REPS2: variants seen among roughly 807,000 people sequenced by gnomAD.
REPS2 encodes the protein ralBP1-associated Eps domain-containing protein 2.
A neutral mutation model predicts 53.6 loss-of-function variants in REPS2; 23 were observed. The ratio of observed to expected loss-of-function variants is 0.43; its 90% CI spans 0.31 to 0.61. The LOEUF is 0.61. Ranked by LOEUF, REPS2 falls within the 20% of genes least tolerant of loss-of-function variation. The probability of loss-of-function intolerance (pLI) is 0.11; values close to 1 mark genes in which losing one functional copy is unlikely to be tolerated. For synonymous variants in REPS2, 238 were observed against 218.6 expected, an observed-to-expected ratio of 1.09 and a Z score of -0.78; for missense variants, 446 against 534.9, an observed-to-expected ratio of 0.83 and a Z score of 1.64.
intron 14 of REPS2, among the ~76,000 whole-genome samples, chrX:17,126,617 G>C (rs2063214788): frequency 8.9e-6 from 1 of 111,942 alleles, no homozygotes; most frequent in Non-Finnish European, 1.9e-5. Context: ...CCAAGAGGGA[G>C]ATAGACCAGG....
chrX:17,025,136 G>GGT lies in REPS2; in HGVS notation c.624_625insGT (p.Ser209ValfsTer71). 8.3e-7 allele frequency: 1 copy of GGT among 1,211,787 alleles called. No individual in the cohort carries two copies. Among genetic ancestry groups the GGT allele is most frequent in the Non-Finnish European group, 1.1e-6 (1 of 895,532 alleles). ...CGCCTCATTACCAGAGGGTGCCCTTGAGCCATGGCTACAGCAAACTGCGGA... is the reference window on the plus strand; with the variant it reads ...CGCCTCATTACCAGAGGGTGCCCTTGGTAGCCATGGCTACAGCAAACTGCGGA... On this transcript the variant is annotated frameshift_variant, in exon 4 of 18. Coordinates refer to ENST00000357277, the MANE Select transcript of REPS2 (RefSeq NM_004726.3). LOFTEE classifies it high-confidence loss of function.
Position 17,147,613 on chromosome X carries a change from T to C in REPS2, c.*132T>C. On this transcript the variant is annotated 3_prime_UTR_variant, in exon 18 of 18. Transcript: ENST00000357277. The stretch of plus-strand genomic sequence containing the variant: ...TGTGAGCAGCAAAATATAATCCATA[T>C]GACCTTTTCTCTTGCACTTCACTTG... The C allele has an allele frequency of 2.2e-6, 1 of 455,248 alleles. No homozygotes were observed. Among genetic ancestry groups the C allele is most frequent in the East Asian group, 3.6e-5 (1 of 27,641 alleles). The allele number at this position is 455,248 out of a possible 1,213,427, so 37.5% of individuals were successfully genotyped here. A position where few individuals can be genotyped will look rare whatever the true frequency, so the allele number is the denominator to read the frequency against.
chrX:16,999,518 C>G (rs758159815), intron 1 of REPS2, among the ~76,000 whole-genome samples: 1 of 109,881 alleles, frequency 9.1e-6, no homozygotes, highest in Non-Finnish European at 1.9e-5. Flanking sequence ...GGGCCATAAC[C>G]TATGCCAATA....
chrX:17,080,096 T>G (rs1318485624), intron 13 of REPS2, among the ~76,000 whole-genome samples: 1 of 111,556 alleles, frequency 9.0e-6, no homozygotes, highest in Non-Finnish European at 1.9e-5. Context: ...TCCTGATCTT[T>G]CCAATTAACC....
intron 2 of REPS2, among the ~76,000 whole-genome samples, chrX:17,016,856 C>T (rs753418383): frequency 7.7e-4 from 82 of 106,285 alleles, no homozygotes; most frequent in Non-Finnish European, 1.4e-3. Context: ...TAGGTATACA[C>T]CCAAGATAAA....
intron 5 of REPS2, among the ~76,000 whole-genome samples, chrX:17,036,144 T>A (rs1210418240): frequency 8.9e-6 from 1 of 112,130 alleles, no homozygotes; most frequent in African/African-American, 3.2e-5. Flanking sequence ...TGCCTATATA[T>A]TTGTAATTTT....
intron 9 of REPS2, among the ~76,000 whole-genome samples, chrX:17,065,042 T>G (rs1019306250): frequency 2.7e-5 from 3 of 112,614 alleles, no homozygotes; most frequent in Admixed American, 9.4e-5. Flanking sequence ...GATGGACATT[T>G]GCATTGCTTC....
At chrX:17,093,188 A>G (rs1173117700) in intron 13 of REPS2, among the ~76,000 whole-genome samples, 1 of 13,341 alleles carries the variant, frequency 7.5e-5, no homozygotes, top group Non-Finnish European at 1.3e-4. Flanking sequence ...ATATATATAT[A>G]TATATATATA....
chrX:17,134,020 A>G, intron 15 of REPS2, 113 bp downstream of exon 15: 1 of 566,433 alleles, frequency 1.8e-6, no homozygotes. Context: ...AATGAATGTC[A>G]ATGATCCAGA....
At chrX:17,140,927 C>T (rs1456648759) in intron 17 of REPS2, among the ~76,000 whole-genome samples, 2 of 109,917 alleles carry the variant, frequency 1.8e-5, no homozygotes, top group East Asian at 2.8e-4. Flanking sequence ...CCTGCCACCA[C>T]GCCCGGCCAA....
chrX:17,117,844 C>T (rs1206333696), intron 14 of REPS2, among the ~76,000 whole-genome samples: 1 of 110,040 alleles, frequency 9.1e-6, no homozygotes, highest in African/African-American at 3.3e-5. Context: ...CCTGAGGAAT[C>T]GCCACAATGA....
At chrX:17,074,081 A>G (rs762159483) in intron 11 of REPS2, 33 bp from the exon 12 acceptor site, 1 of 1,196,800 alleles carries the variant, frequency 8.4e-7, no homozygotes, top group East Asian at 3.0e-5. Flanking sequence ...GTTTAACTGC[A>G]GAAATGAAAC....
chrX:17,026,595 C>T (rs1020727852), intron 4 of REPS2, among the ~76,000 whole-genome samples: 9 of 109,816 alleles, frequency 8.2e-5, no homozygotes, highest in Non-Finnish European at 1.7e-4. Flanking sequence ...TTTTCTGTTC[C>T]TCCTCCTTAA....
intron 14 of REPS2, among the ~76,000 whole-genome samples, chrX:17,112,300 C>T (rs908074939): frequency 9.0e-6 from 1 of 111,374 alleles, no homozygotes; most frequent in Non-Finnish European, 1.9e-5. Flanking sequence ...AGAGGACTGG[C>T]ATGACAGTGA....
At position 17,047,337 on chromosome X, in the gene REPS2, A is replaced by G. The variant is rs1209863829; in HGVS notation, c.772-10A>G. The G allele has an allele frequency of 8.3e-7, 1 of 1,207,439 alleles. No homozygotes were observed. The highest frequency in any genetic ancestry group is 1.8e-5 in the African/African-American group (1 of 57,121). On this transcript the variant is annotated splice_polypyrimidine_tract_variant and intron_variant, in intron 5 of 17. Transcript: ENST00000357277. ...TCTCTGAGCATTTACTTTTTAATTT[A>G]TTCTTACAGTCCTTTTCAGTGGAGA...
rs767525344 is a variant in REPS2, at chrX:17,151,387, C to T, written c.*3906C>T. The T allele has an allele frequency of 2.7e-5, 3 of 112,338 alleles. No individual in the cohort carries two copies. The South Asian group carries it at 1.1e-3, about 42-fold the overall frequency. 9.3% of individuals were successfully genotyped at this position (112,338 alleles called of 1,213,427 possible). A position where few individuals can be genotyped will look rare whatever the true frequency, so the allele number is the denominator to read the frequency against. ...GTCTGTTTCTTAAATGATCTCACAG[C>T]CATGGTAATAATAGATGTGTACTCA... On this transcript the variant is annotated 3_prime_UTR_variant, in exon 18 of 18. Transcript: ENST00000357277.
chrX:17,021,522 C>T (rs1221626355), intron 2 of REPS2, among the ~76,000 whole-genome samples: 4 of 112,411 alleles, frequency 3.6e-5, no homozygotes, highest in African/African-American at 6.5e-5. Context: ...CTGTTCTACC[C>T]ACTAAGTTTG....
intron 5 of REPS2, among the ~76,000 whole-genome samples, chrX:17,044,743 C>T (rs1012385681): frequency 5.4e-5 from 6 of 111,457 alleles, no homozygotes; most frequent in East Asian, 2.8e-4. Flanking sequence ...ATATCATGGC[C>T]GGTAATCTAA....
chrX:17,087,873 GAGATCGTGCCA>G (rs1180841976), intron 13 of REPS2, among the ~76,000 whole-genome samples: 144 of 110,494 alleles, frequency 1.3e-3, no homozygotes, highest in Middle Eastern at 4.6e-3. Context: ...TCAGTGAGCC[GAGATCGTGCCA>G]CTGCACTGCA....
Sources: allele counts gnomAD v4.1 joint callset (sites outside exome capture counted in the v4.1 genomes callset), GRCh38; gene constraint gnomAD v4.1.1; transcripts MANE v1.5; gene names NCBI Gene and HGNC (gene_info 2026-07-23, HGNC 2026-07-21).